The following PPP2R1B variants were observed in gnomAD, a reference collection of about 807,000 sequenced individuals.
PPP2R1B encodes serine/threonine-protein phosphatase 2A 65 kDa regulatory subunit A beta isoform.
Under a neutral mutation model 72.7 loss-of-function variants are expected in PPP2R1B, and 58 were observed. The ratio of observed to expected loss-of-function variants is 0.80; its 90% confidence interval spans 0.65 to 0.99. The LOEUF (loss-of-function observed/expected upper bound fraction) is 0.99, where lower values mean the gene tolerates loss of function less well. Ranked by LOEUF, PPP2R1B falls within the 50% of genes least tolerant of loss-of-function variation. The probability of loss-of-function intolerance (pLI) is 0.00; values close to 1 mark genes in which losing one functional copy is unlikely to be tolerated. For synonymous variants in PPP2R1B, 256 were observed against 264.6 expected (o/e 0.97, Z 0.32); for missense variants, 695 against 733.6 (o/e 0.95, Z 0.61).
intron 9 of PPP2R1B, 50 bp downstream of exon 9, chr11:111,753,393 A>T: frequency 6.3e-7 from 1 of 1,577,018 alleles, no homozygotes; most frequent in Non-Finnish European, 8.6e-7. Flanking sequence ...ACCAAAATCA[A>T]ATAAAATCAA....
chr11:111,742,857 T>C (rs1944572895), intron 12 of PPP2R1B, among the ~76,000 whole-genome samples, 192 bp from the exon 13 acceptor site: 1 of 152,014 alleles, frequency 6.6e-6, no homozygotes, highest in Non-Finnish European at 1.5e-5. Flanking sequence ...TAAGTTGAAC[T>C]TTTAAAATAC....
intron 11 of PPP2R1B, among the ~76,000 whole-genome samples, chr11:111,744,415 T>C (rs1027321695): frequency 3.9e-5 from 6 of 152,226 alleles, no homozygotes; most frequent in African/African-American, 1.4e-4. Flanking sequence ...TGTCTTTGAA[T>C]CAATGTGCCT....
rs368332602 is a variant in PPP2R1B at position 111,764,793 on chromosome 11, A to C, written c.306+12T>G. The C allele has an allele frequency of 1.9e-6, 3 of 1,613,434 alleles. No individual in the cohort carries two copies. Among genetic ancestry groups the C allele is most frequent in the Non-Finnish European group, 2.5e-6 (3 of 1,179,664 alleles). On this transcript the variant is annotated intron_variant, in intron 3 of 14. Coordinates refer to ENST00000527614, the MANE Select transcript of PPP2R1B (RefSeq NM_002716.5). ...GTTGTAGAAGGAGGGTAGGCAGCTT[A>C]TAAATACTCACCAGCAGACAGTGGG...
chr11:111,720,393 A>G, the PPP2R1B span: 1 of 1,376,000 alleles, frequency 7.3e-7, no homozygotes, highest in Non-Finnish European at 9.9e-7. Context: ...GTAGCTGTCA[A>G]AACTCAAGCT....
the PPP2R1B span, among the ~76,000 whole-genome samples, chr11:111,692,585 A>T: frequency 6.6e-6 from 1 of 152,130 alleles, no homozygotes; most frequent in Non-Finnish European, 1.5e-5. Flanking sequence ...CACGTGCTAT[A>T]AAGTGTTTAG....
At chr11:111,760,686 T>C in intron 4 of PPP2R1B, 133 bp downstream of exon 4, 1 of 747,422 alleles carries the variant, frequency 1.3e-6, no homozygotes, top group Non-Finnish European at 2.2e-6. Context: ...AATCCTACTA[T>C]CCTAGTATCA....
chr11:111,739,208 T>C lies in PPP2R1B; in HGVS notation c.*2388A>G, dbSNP rs758617814. The C allele has an allele frequency of 9.2e-6, 9 of 978,788 alleles. No individual in the cohort carries two copies. Among genetic ancestry groups the C allele is most frequent in the Non-Finnish European group, 1.1e-5 (9 of 824,020 alleles). The allele number at this position is 978,788 out of a possible 1,614,324, so 60.6% of individuals were successfully genotyped here. ...ACACATTTTTATTGAGCACCTATTA[T>C]GTGCACCAGACACTGTTCCAGGCAC... On this transcript the variant is annotated 3_prime_UTR_variant, in exon 15 of 15. Transcript: ENST00000527614.
downstream of PPP2R1B, among the ~76,000 whole-genome samples, chr11:111,736,853 C>G (rs1944354971): frequency 6.6e-6 from 1 of 152,182 alleles, no homozygotes; most frequent in African/African-American, 2.4e-5. Flanking sequence ...GGCAGCCAAG[C>G]CCTGCTGCTC....
At chr11:111,719,760 T>C in the PPP2R1B span, 6 of 1,607,864 alleles carry the variant, frequency 3.7e-6, no homozygotes, top group Admixed American at 1.7e-5. Context: ...GTTTCCTCTC[T>C]CCCCTGGCGT....
the PPP2R1B span, chr11:111,720,997 G>A: frequency 1.2e-6 from 2 of 1,614,054 alleles, no homozygotes; most frequent in African/African-American, 1.3e-5. Context: ...AATAGGACCG[G>A]AGGCAGACCC....
At chr11:111,734,488 T>C (rs1944284139), downstream of PPP2R1B, among the ~76,000 whole-genome samples, 1 of 152,212 alleles carries the variant, frequency 6.6e-6, no homozygotes, top group South Asian at 2.1e-4. Context: ...GGGAGTCTTT[T>C]TGTGCGGACA....
At chr11:111,761,199 A>G (rs1555051337) in intron 3 of PPP2R1B, 148 bp from the exon 4 acceptor site, 9 of 768,454 alleles carry the variant, frequency 1.2e-5, no homozygotes, top group Non-Finnish European at 2.0e-5. Flanking sequence ...TTCAGCTCAC[A>G]CAGTGATAAC....
At chr11:111,692,817 T>C in the PPP2R1B span, among the ~76,000 whole-genome samples, 1 of 146,812 alleles carries the variant, frequency 6.8e-6, no homozygotes, top group Non-Finnish European at 1.5e-5. Flanking sequence ...TTTTTCTGGG[T>C]TTTTTTTTTG....
At chr11:111,731,632 G>A (rs982807404) in intron 15 of PPP2R1B, among the ~76,000 whole-genome samples, 3 of 152,202 alleles carry the variant, frequency 2.0e-5, no homozygotes, top group African/African-American at 7.2e-5. Flanking sequence ...TTCCCTCCCT[G>A]CGGGGTGAGC....
chr11:111,709,338 C>T, the PPP2R1B span, among the ~76,000 whole-genome samples: 1 of 152,212 alleles, frequency 6.6e-6, no homozygotes, highest in Non-Finnish European at 1.5e-5. Context: ...AAGGCCCTGT[C>T]TCCAGATATA....
intron 7 of PPP2R1B, 67 bp from the exon 8 acceptor site, chr11:111,754,636 T>G: frequency 1.3e-6 from 2 of 1,547,412 alleles, no homozygotes; most frequent in Non-Finnish European, 8.7e-7. Context: ...ATGAGGACAT[T>G]TAACCAGGTT....
At chr11:111,723,762 C>T (rs757274644), downstream of PPP2R1B, 21 of 1,614,000 alleles carry the variant, frequency 1.3e-5, no homozygotes, top group Admixed American at 3.3e-4. Flanking sequence ...CTGCCCTCCA[C>T]TTCCGGTCCC....
chr11:111,701,132 C>G, the PPP2R1B span: 1 of 1,298,398 alleles, frequency 7.7e-7, no homozygotes. The surrounding 1 kb of genome is among the most constrained non-coding windows in gnomAD (Gnocchi z 4.2). Flanking sequence ...TCCCCATCCA[C>G]TGGACTATAA....
rs1944455407 is a variant in PPP2R1B at position 111,739,663 on chromosome 11, T to A, written c.*1933A>T. The A allele has an allele frequency of 1.0e-6, 1 of 985,182 alleles. No individual in the cohort carries two copies. The highest frequency in any genetic ancestry group is 1.2e-6 in the Non-Finnish European group (1 of 829,906). The allele number at this position is 985,182 out of a possible 1,614,324, so 61.0% of individuals were successfully genotyped here. ...AAAACAATGGCATTTCCAACCAGAG[T>A]AAAGCAATGGTTCCAGTGCAAATCT... On this transcript the variant is annotated 3_prime_UTR_variant, in exon 15 of 15. Coordinates refer to ENST00000527614, the MANE Select transcript of PPP2R1B (RefSeq NM_002716.5).
Sources: allele counts gnomAD v4.1 joint callset (sites outside exome capture counted in the v4.1 genomes callset), GRCh38; gene constraint gnomAD v4.1.1; non-coding constraint Gnocchi (gnomAD v3.1); transcripts MANE v1.5; gene names NCBI Gene and HGNC (gene_info 2026-07-23, HGNC 2026-07-21).